Variants in PGAP6 observed in about 807,000 individuals in gnomAD.
PGAP6 encodes post-GPI attachment to proteins factor 6.
PGAP6 carries 62 observed loss-of-function variants against 68.4 expected under a neutral mutation model. The observed-to-expected ratio is 0.91, with a 90% CI of 0.74 to 1.12. The LOEUF is 1.12. Ranked by LOEUF, PGAP6 falls within the 50% of genes most tolerant of loss-of-function variation. PGAP6 has a pLI of 0.00. For missense variants in PGAP6, 1,188 were observed against 1,068.5 expected, an observed-to-expected ratio of 1.11 and a Z score of -1.56; for synonymous variants, 575 against 474.0, an observed-to-expected ratio of 1.21 and a Z score of -2.77.
Position 376,244 on chromosome 16 carries a change from G to A in PGAP6, c.1116C>T (p.Asp372=). 6.2e-7 allele frequency: 1 copy of A among 1,612,888 alleles called. No homozygotes were observed. The highest frequency in any genetic ancestry group is 8.5e-7 in the Non-Finnish European group (1 of 1,180,008). ...CCGAACACACCCTCACCGAGACCCT[G>A]TCCAGGGGCTGGAAGTGCACCGACA... is the stretch of plus-strand genomic sequence containing the variant. ...DVVSVHFQPL[D]RVSVRVCSDT... is the part of the protein sequence containing the mutation. The change falls in exon 6 of 13, where the codon GAC becomes GAT. Residue 372 remains aspartate (D), a synonymous_variant. Transcript: ENST00000431232.
In PGAP6 at chr16:377,332, C is replaced by T. The variant is rs182128962; in HGVS notation, c.507+46G>A. On this transcript the variant is annotated intron_variant, in intron 3 of 12. Transcript: ENST00000431232. Reference sequence around the variant, plus strand: ...GAGGTGAACGGCAGGGACAGGCCATCGCCGCAAGGTTCTCTGCCTCCATCC... The same window carrying T: ...GAGGTGAACGGCAGGGACAGGCCATTGCCGCAAGGTTCTCTGCCTCCATCC... 1.6e-3 allele frequency: 2,452 copies of T among 1,549,144 alleles called. 40 individuals carry two copies. The African/African-American group carries it at 0.029, about 19-fold the overall frequency.
At chr16:380,608 C>A (rs1313978977) in intron 1 of PGAP6, among the ~76,000 whole-genome samples, 1 of 152,182 alleles carries the variant, frequency 6.6e-6, no homozygotes, top group Non-Finnish European at 1.5e-5. Context: ...CTCAGGTGAT[C>A]CACCCGCCTC....
Position 381,879 on chromosome 16 carries a change from G to C in PGAP6, c.-58C>G. On this transcript the variant is annotated 5_prime_UTR_variant, in exon 1 of 13. Coordinates refer to ENST00000431232, the MANE Select transcript of PGAP6 (RefSeq NM_021259.3). ...GCGTCCCGCGCCGCCGGCCCCCGCCGCCGCCCGGGCAGCCTCTGCCGCCTC... is the reference window on the plus strand; with the variant it reads ...GCGTCCCGCGCCGCCGGCCCCCGCCCCCGCCCGGGCAGCCTCTGCCGCCTC... The C allele has an allele frequency of 1.0e-6, 1 of 975,300 alleles. No individual in the cohort carries two copies. Among genetic ancestry groups the C allele is most frequent in the Non-Finnish European group, 1.2e-6 (1 of 823,156 alleles). The allele number at this position is 975,300 out of a possible 1,614,324, so 60.4% of individuals were successfully genotyped here. A position where few individuals can be genotyped will look rare whatever the true frequency, so the allele number is the denominator to read the frequency against.
rs780124401 is a variant in PGAP6, at chr16:372,016, C to A, written c.2287G>T (p.Asp763Tyr). 9.5e-5 allele frequency: 154 copies of A among 1,612,722 alleles called. 2 individuals carry two copies. The South Asian group carries it at 1.6e-3, about 17-fold the overall frequency. ...GTCACTGCGTACAGTTCCTCCCGAT[C>A]GTTCTTGCAGATCTGATAGTGGCAG... is the stretch of plus-strand genomic sequence containing the variant. ...FPCHYQICKNDREELYAVT is the reference protein window; with the variant it reads ...FPCHYQICKNYREELYAVT Residue 763 changes from aspartate (D) to tyrosine (Y), a missense_variant, in exon 13 of 13, where the codon GAT becomes TAT. By Grantham distance (160) the Asp-to-Tyr change is radical (BLOSUM62 -3). Coordinates refer to ENST00000431232, the MANE Select transcript of PGAP6 (RefSeq NM_021259.3).
upstream of PGAP6, chr16:382,087 C>CAG (rs2054447291): frequency 3.5e-6 from 1 of 289,478 alleles, no homozygotes; most frequent in Non-Finnish European, 5.6e-6. Context: ...CGTGGGGCGC[C>CAG]GGTAGGGGGG....
Position 375,239 on chromosome 16 carries a change from G to A in PGAP6, c.1333C>T (p.Pro445Ser), listed in dbSNP as rs1243548679. ...CGAGACCAGGCGCTCAGAGACAAAG[G>A]GTAGCCCTGGAAGAAGGCTGCAGGG... ...NCTTAFFQGYPLSLSAWSRRA... is the reference protein window; with the variant it reads ...NCTTAFFQGYSLSLSAWSRRA... The change falls in exon 8 of 13, where the codon CCT (proline) becomes TCT (serine). Residue 445 changes from proline (P) to serine (S), a missense_variant. Pro to Ser is a moderately conservative substitution (Grantham distance 74, BLOSUM62 -1). Coordinates refer to ENST00000431232, the MANE Select transcript of PGAP6 (RefSeq NM_021259.3). 4 of 1,613,060 alleles carry A rather than the reference G, an allele frequency of 2.5e-6. No individual in the cohort carries two copies. The highest frequency in any genetic ancestry group is 1.7e-5 in the Admixed American group (1 of 59,998).
chr16:376,845 T>G, intron 4 of PGAP6, 33 bp from the exon 5 acceptor site: 1 of 1,598,906 alleles, frequency 6.3e-7, no homozygotes, highest in Non-Finnish European at 8.5e-7. Context: ...GCTCAGGCTC[T>G]GCCATTCCTC....
At chr16:382,062 C>CG (rs1314938276), upstream of PGAP6, 6 of 436,652 alleles carry the variant, frequency 1.4e-5, no homozygotes, top group Admixed American at 5.7e-5. Context: ...GCGCGGACGC[C>CG]GGGGGGAGGG....
rs769431191 is a variant in PGAP6, at chr16:372,593, G to A, written c.2019+18C>T. On this transcript the variant is annotated intron_variant, in intron 12 of 12. Coordinates refer to ENST00000431232, the MANE Select transcript of PGAP6 (RefSeq NM_021259.3). ...TCCGAGCACCTGGGCAGCAGTGCCA[G>A]CCAGCCCGGCTCCTTACCCACATGG... The A allele has an allele frequency of 3.1e-5, 50 of 1,591,346 alleles. No individual in the cohort carries two copies. The highest frequency in any genetic ancestry group is 4.2e-5 in the Non-Finnish European group (49 of 1,162,316).
chr16:370,983 G>A lies in PGAP6; in HGVS notation c.*1004C>T, dbSNP rs1349723603. ...CGGCTGGGGGAGGTAAGACCTTCAG[G>A]AAGGCCATATCCCGGACAAGACCCA... is the stretch of plus-strand genomic sequence containing the variant. On this transcript the variant is annotated 3_prime_UTR_variant, in exon 13 of 13. Coordinates refer to ENST00000431232, the MANE Select transcript of PGAP6 (RefSeq NM_021259.3). 1 of 152,206 alleles carries A rather than the reference G, an allele frequency of 6.6e-6. No individual in the cohort carries two copies. The highest frequency in any genetic ancestry group is 1.5e-5 in the Non-Finnish European group (1 of 68,094). 9.4% of individuals were successfully genotyped at this position (152,206 alleles called of 1,614,324 possible).
At position 376,181 on chromosome 16, in the gene PGAP6, G is replaced by T. The variant is rs1490041489; in HGVS notation, c.1179C>A (p.Gly393=). The T allele has an allele frequency of 6.2e-7, 1 of 1,612,020 alleles. No individual in the cohort carries two copies. The highest frequency in any genetic ancestry group is 8.5e-7 in the Non-Finnish European group (1 of 1,179,600). Residue 393 remains glycine, a synonymous_variant, in exon 6 of 13, where the codon GGC becomes GGA. Coordinates refer to ENST00000431232, the MANE Select transcript of PGAP6 (RefSeq NM_021259.3). ...PSVMRLRLNT[G]MDSGGSLTIS... Reference sequence around the variant, plus strand: ...TGGTGAGGGAACCCCCGCTGTCCATGCCGGTGTTCAGGCGCAGCCGCATCA... The same window carrying T: ...TGGTGAGGGAACCCCCGCTGTCCATTCCGGTGTTCAGGCGCAGCCGCATCA...
chr16:375,867 C>T (rs904772379), intron 6 of PGAP6, among the ~76,000 whole-genome samples: 1 of 152,194 alleles, frequency 6.6e-6, no homozygotes, highest in African/African-American at 2.4e-5. Context: ...TGCAGGCCCA[C>T]GGTGCACCGG....
chr16:373,405 T>C lies in PGAP6; in HGVS notation c.1902+600A>G, dbSNP rs537896977. ...ATTGGCCCCAAGGACCCAGGGAGCA[T>C]GGGTGGGGGCTTCTCGAAGGCAGGG... On this transcript the variant is annotated intron_variant, in intron 11 of 12. Transcript: ENST00000431232. 1.3e-3 allele frequency among the ~76,000 whole-genome samples: 194 copies of C among 152,218 alleles called. 2 individuals carry two copies. Among genetic ancestry groups the C allele is most frequent in the South Asian group, 0.01 (50 of 4,818 alleles).
At chr16:386,190 A>T (rs2054483976), upstream of PGAP6, among the ~76,000 whole-genome samples, 1 of 152,098 alleles carries the variant, frequency 6.6e-6, no homozygotes, top group Non-Finnish European at 1.5e-5. Context: ...CCCAGCAGCA[A>T]TAAGCATTAT....
At chr16:385,303 T>C (rs918929735), upstream of PGAP6, among the ~76,000 whole-genome samples, 1 of 150,066 alleles carries the variant, frequency 6.7e-6, no homozygotes, top group South Asian at 2.1e-4. Flanking sequence ...TGCTATAATA[T>C]ACTCTGATTT....
At position 372,618 on chromosome 16, in the gene PGAP6, G is replaced by A. The variant is rs2054345125; in HGVS notation, c.2012C>T (p.Ser671Phe). 1 of 1,610,916 alleles carries A rather than the reference G, an allele frequency of 6.2e-7. No individual in the cohort carries two copies. The highest frequency in any genetic ancestry group is 2.2e-5 in the East Asian group (1 of 44,868). ...PCLFAFVIMA[S>F]MWAYRCGHRR... ...GCCAGCCCGGCTCCTTACCCACATG[G>A]AGGCCATGATCACGAAGGCAAAGAG... Residue 671 changes from serine to phenylalanine, a missense_variant, in exon 12 of 13, where the codon TCC becomes TTC. Ser to Phe is a radical substitution (Grantham distance 155, BLOSUM62 -2). Coordinates refer to ENST00000431232, the MANE Select transcript of PGAP6 (RefSeq NM_021259.3).
In PGAP6 at chr16:372,220, G is replaced by A. The variant is rs763162632; in HGVS notation, c.2083C>T (p.Leu695Phe). The A allele has an allele frequency of 1.9e-6, 3 of 1,612,536 alleles. No homozygotes were observed. Among genetic ancestry groups the A allele is most frequent in the South Asian group, 1.1e-5 (1 of 91,080 alleles). ...GAGGCCATAGAGACGCCGGGCAGGA[G>A]GTAGAAGGCCCAGCGCTGCCACGAG... ...PTSWQRWAFY[L>F]LPGVSMASVG... The change falls in exon 13 of 13, where the codon CTC becomes TTC. Residue 695 changes from leucine to phenylalanine, a missense_variant. Transcript: ENST00000431232.
In PGAP6 at chr16:374,812, T is replaced by C. The variant is rs764109949; in HGVS notation, c.1520A>G (p.Gln507Arg). 6.2e-7 allele frequency: 1 copy of C among 1,612,930 alleles called. No individual in the cohort carries two copies. The highest frequency in any genetic ancestry group is 2.2e-5 in the East Asian group (1 of 44,872). ...GCTGTGTCTGCGGAGCAGGAGGCAC[T>C]GGCCATAGGGTCCACAATCGTTCAA... ...PCLNDCGPYG[Q>R]CLLLRRHSYL... The change falls in exon 9 of 13, where the codon CAG (glutamine) becomes CGG (arginine). Residue 507 changes from glutamine to arginine, a missense_variant. Gln to Arg is a conservative substitution (Grantham distance 43). Transcript: ENST00000431232.
At chr16:386,166 C>T (rs1026479975), upstream of PGAP6, among the ~76,000 whole-genome samples, 1 of 151,678 alleles carries the variant, frequency 6.6e-6, no homozygotes, top group African/African-American at 2.4e-5. Context: ...TTTCCACAGT[C>T]GGTGTGCTCT....
Sources: gnomAD v4.1 joint callset for allele counts (sites outside exome capture counted in the v4.1 genomes callset) on GRCh38, gnomAD v4.1.1 for gene constraint, MANE v1.5 for transcripts, NCBI Gene and HGNC (gene_info 2026-07-23, HGNC 2026-07-21) for gene names.